FOXN2: variants seen among roughly 807,000 people sequenced by gnomAD.
The protein encoded by FOXN2 is forkhead box N2, also known as forkhead box protein N2.
Under a neutral mutation model 41.2 loss-of-function variants are expected in FOXN2, and 19 were observed. That is an observed-to-expected ratio of 0.46 (90% CI 0.32 to 0.68). FOXN2 has a LOEUF of 0.68. FOXN2 is among the 30% of genes least tolerant of loss of function. The pLI is 0.03. For missense variants in FOXN2, 587 were observed against 509.4 expected (o/e 1.15, Z -1.47); for synonymous variants, 195 against 176.8 (o/e 1.10, Z -0.82).
intron 1 of FOXN2, among the ~76,000 whole-genome samples, chr2:48,324,314 C>T (rs890645644): frequency 6.6e-6 from 1 of 151,880 alleles, no homozygotes; most frequent in Non-Finnish European, 1.5e-5. Context: ...CCTGCCCCAG[C>T]CTCCCAAGTA....
At chr2:48,367,357 C>G (rs1672601056) in intron 5 of FOXN2, among the ~76,000 whole-genome samples, 2 of 152,120 alleles carry the variant, frequency 1.3e-5, no homozygotes, top group Admixed American at 6.6e-5. Context: ...AGTAGTTATA[C>G]TAACTGCTAA....
At chr2:48,363,681 A>G (rs1458529481) in intron 5 of FOXN2, among the ~76,000 whole-genome samples, 1 of 152,218 alleles carries the variant, frequency 6.6e-6, no homozygotes, top group Non-Finnish European at 1.5e-5. Flanking sequence ...AGAAACTAAT[A>G]GATCATTTAC....
intron 1 of FOXN2, among the ~76,000 whole-genome samples, chr2:48,322,864 A>C (rs1015578096): frequency 1.3e-5 from 2 of 149,338 alleles, no homozygotes; most frequent in African/African-American, 4.9e-5. Flanking sequence ...CATCTCTTTC[A>C]GACTTGCTTT....
rs967161203 is a variant in FOXN2, at chr2:48,350,649, T to G, written c.537+3898T>G. ...ACATGGATGATCTTTGCCTAAACCTTGGCAGATTCTGTACATCTGTCTTCA... is the reference window on the plus strand; with the variant it reads ...ACATGGATGATCTTTGCCTAAACCTGGGCAGATTCTGTACATCTGTCTTCA... On this transcript the variant is annotated intron_variant, in intron 3 of 6. Coordinates refer to ENST00000340553, the MANE Select transcript of FOXN2 (RefSeq NM_002158.4). 3.4e-4 allele frequency among the ~76,000 whole-genome samples: 52 copies of G among 152,204 alleles called. 1 individual carries two copies.
intron 2 of FOXN2, among the ~76,000 whole-genome samples, chr2:48,334,475 T>C (rs577324079): frequency 4.9e-4 from 71 of 144,200 alleles, no homozygotes; most frequent in African/African-American, 1.6e-3. Context: ...CAGAAACTAA[T>C]GTAAACATCT....
intron 1 of FOXN2, among the ~76,000 whole-genome samples, chr2:48,323,105 G>A (rs962693330): frequency 2.0e-5 from 3 of 151,738 alleles, no homozygotes; most frequent in African/African-American, 7.3e-5. Flanking sequence ...GATTGGATGA[G>A]GTGGACTTTA....
chr2:48,332,249 CTTT>C (rs1039359341), intron 2 of FOXN2, among the ~76,000 whole-genome samples: 3 of 151,966 alleles, frequency 2.0e-5, no homozygotes, highest in African/African-American at 7.3e-5. Context: ...TTTATAAATT[CTTT>C]TTTTGTGTGT....
Position 48,362,614 on chromosome 2 carries a change from G to A in FOXN2, c.639-29G>A, listed in dbSNP as rs375296066. The A allele has an allele frequency of 6.3e-6, 10 of 1,591,994 alleles. No individual in the cohort carries two copies. The East Asian group carries it at 1.8e-4, about 28-fold the overall frequency. On this transcript the variant is annotated intron_variant, in intron 4 of 6. Transcript: ENST00000340553. Reference sequence around the variant, plus strand: ...AAAAGTGAAGTAAACATTTTTATAAGCATATTTGCTTTTCTGTTTGTTTTT... The same window carrying A: ...AAAAGTGAAGTAAACATTTTTATAAACATATTTGCTTTTCTGTTTGTTTTT...
At chr2:48,314,394 G>T (rs1379648311), upstream of FOXN2, among the ~76,000 whole-genome samples, 1 of 152,220 alleles carries the variant, frequency 6.6e-6, no homozygotes, top group African/African-American at 2.4e-5. Context: ...GGCCTACAGC[G>T]CCTCCACCCT....
chr2:48,368,303 T>C (rs539605502), intron 5 of FOXN2, among the ~76,000 whole-genome samples: 1 of 152,350 alleles, frequency 6.6e-6, no homozygotes, highest in African/African-American at 2.4e-5. Flanking sequence ...TAGAATAAAG[T>C]ACTTTATCAA....
intron 1 of FOXN2, among the ~76,000 whole-genome samples, chr2:48,324,926 T>C (rs1403178408): frequency 6.6e-6 from 1 of 152,114 alleles, no homozygotes; most frequent in Non-Finnish European, 1.5e-5. Flanking sequence ...TTAAATTAGG[T>C]CTTAAATATT....
At chr2:48,360,906 C>A (rs1332401992) in intron 4 of FOXN2, among the ~76,000 whole-genome samples, 1 of 149,912 alleles carries the variant, frequency 6.7e-6, no homozygotes, top group Non-Finnish European at 1.5e-5. Context: ...CCCAGCTACT[C>A]AGGAGGGTGA....
rs1160823799 is a variant in FOXN2, at chr2:48,355,752, A to C, written c.538-3295A>C. ...AATAGGAGGCAGAATGGCAAGGTCT[A>C]GATCAAACTATGAAGGGATAATGAT... On this transcript the variant is annotated intron_variant, in intron 3 of 6. Coordinates refer to ENST00000340553, the MANE Select transcript of FOXN2 (RefSeq NM_002158.4). 9.8e-5 allele frequency among the ~76,000 whole-genome samples: 15 copies of C among 152,330 alleles called. No homozygotes were observed. The East Asian group carries it at 2.9e-3, about 29-fold the overall frequency.
At chr2:48,352,274 T>C (rs941374755) in intron 3 of FOXN2, among the ~76,000 whole-genome samples, 3 of 152,244 alleles carry the variant, frequency 2.0e-5, no homozygotes, top group Non-Finnish European at 2.9e-5. Context: ...TTGAACACTT[T>C]GTAATCATTG....
At chr2:48,349,567 A>G (rs1671322671) in intron 3 of FOXN2, among the ~76,000 whole-genome samples, 1 of 152,112 alleles carries the variant, frequency 6.6e-6, no homozygotes, top group Admixed American at 6.5e-5. Context: ...TGAGGTTGGG[A>G]GTTCAAGACC....
intron 1 of FOXN2, among the ~76,000 whole-genome samples, chr2:48,315,116 GCGCGGCGGAAAC>G (rs1433740508): frequency 6.6e-6 from 1 of 152,104 alleles, no homozygotes; most frequent in Non-Finnish European, 1.5e-5. Flanking sequence ...AGGGGCTGTC[GCGCGGCGGAAAC>G]CGCGGCGAGG....
intron 5 of FOXN2, among the ~76,000 whole-genome samples, chr2:48,367,591 T>C (rs535176273): frequency 2.2e-4 from 34 of 152,378 alleles, no homozygotes; most frequent in African/African-American, 7.7e-4. Flanking sequence ...TTAGTTTTGA[T>C]AGAGACAATA....
At chr2:48,356,207 G>A (rs1036596952) in intron 3 of FOXN2, among the ~76,000 whole-genome samples, 13 of 152,138 alleles carry the variant, frequency 8.5e-5, no homozygotes, top group Admixed American at 3.3e-4. Flanking sequence ...TTTGGGAGCC[G>A]AGGCAGGTGG....
intron 3 of FOXN2, among the ~76,000 whole-genome samples, chr2:48,357,866 A>G (rs962718592): frequency 1.2e-5 from 1 of 85,030 alleles, no homozygotes; most frequent in African/African-American, 4.8e-5. Flanking sequence ...TTTATTGAAA[A>G]AAAAAAAAAA....
Sources: gnomAD v4.1 joint callset for allele counts (sites outside exome capture counted in the v4.1 genomes callset) on GRCh38, gnomAD v4.1.1 for gene constraint, MANE v1.5 for transcripts, NCBI Gene and HGNC (gene_info 2026-07-23, HGNC 2026-07-21) for gene names.